Variants in PPFIA2 observed in about 807,000 individuals in gnomAD.
PPFIA2 encodes PPFI scaffold protein A2.
In PPFIA2, 46 loss-of-function variants were observed where a neutral mutation model predicts 175.5. The observed-to-expected ratio is 0.26, with a 90% CI of 0.21 to 0.34. The LOEUF (loss-of-function observed/expected upper bound fraction) is 0.34. Ranked by LOEUF, PPFIA2 falls within the 10% of genes least tolerant of loss-of-function variation. PPFIA2 has a pLI of 1.00. For synonymous variants in PPFIA2, 568 were observed against 511.4 expected (o/e 1.11, Z -1.49); for missense variants, 1,179 against 1,506.1 (o/e 0.78, Z 3.60).
intron 5 of PPFIA2, among the ~76,000 whole-genome samples, chr12:81,450,559 G>A (rs1435192512): frequency 6.6e-6 from 1 of 152,030 alleles, no homozygotes; most frequent in Non-Finnish European, 1.5e-5. Flanking sequence ...AGATGAGTAG[G>A]TTGCAAAAAT....
intron 3 of PPFIA2, among the ~76,000 whole-genome samples, chr12:81,725,001 G>A (rs1432318437): frequency 6.6e-6 from 1 of 150,754 alleles, no homozygotes; most frequent in African/African-American, 2.4e-5. Context: ...GTTATTTTTT[G>A]ACTTTTAATT....
intron 12 of PPFIA2, 23 bp from the exon 13 acceptor site, chr12:81,368,879 A>G: frequency 6.3e-7 from 1 of 1,593,040 alleles, no homozygotes; most frequent in Non-Finnish European, 8.5e-7. Context: ...AAAATGACAT[A>G]AAAATCCATT....
intron 4 of PPFIA2, among the ~76,000 whole-genome samples, chr12:81,649,720 A>G (rs980599150): frequency 3.9e-5 from 6 of 152,208 alleles, no homozygotes; most frequent in African/African-American, 1.4e-4. Context: ...AATAAAGAGG[A>G]ACTATTTTAC....
At chr12:81,691,938 A>T (rs2075290323) in intron 3 of PPFIA2, among the ~76,000 whole-genome samples, 1 of 152,106 alleles carries the variant, frequency 6.6e-6, no homozygotes, top group South Asian at 2.1e-4. Flanking sequence ...ACCTCCTGGT[A>T]TTCACACCCT....
chr12:81,748,884 A>G (rs1192682714), intron 3 of PPFIA2, among the ~76,000 whole-genome samples: 1 of 144,654 alleles, frequency 6.9e-6, no homozygotes, highest in Non-Finnish European at 1.6e-5. Flanking sequence ...TCCTGTCTTT[A>G]TTTTGCACCA....
At chr12:81,662,604 C>T (rs1360768554) in intron 4 of PPFIA2, among the ~76,000 whole-genome samples, 3 of 152,120 alleles carry the variant, frequency 2.0e-5, no homozygotes, top group African/African-American at 7.2e-5. Context: ...GGATTCACAG[C>T]CGAATTCTAC....
chr12:81,624,745 T>C (rs1036705283), intron 4 of PPFIA2, among the ~76,000 whole-genome samples: 2 of 150,648 alleles, frequency 1.3e-5, no homozygotes, highest in African/African-American at 2.4e-5. Context: ...CCAAAAACTG[T>C]AGGTTCTCCC....
At chr12:81,338,746 T>C (rs1481299464) in intron 21 of PPFIA2, among the ~76,000 whole-genome samples, 1 of 152,164 alleles carries the variant, frequency 6.6e-6, no homozygotes, top group African/African-American at 2.4e-5. Context: ...TAAGCTTTTA[T>C]ACACATTCAT....
intron 4 of PPFIA2, among the ~76,000 whole-genome samples, chr12:81,585,575 A>G (rs2075188099): frequency 6.6e-6 from 1 of 151,872 alleles, no homozygotes; most frequent in African/African-American, 2.4e-5. Flanking sequence ...ACAGAGGCTC[A>G]TGATCATCAC....
intron 4 of PPFIA2, among the ~76,000 whole-genome samples, chr12:81,629,643 T>G (rs1234747669): frequency 6.6e-6 from 1 of 152,176 alleles, no homozygotes; most frequent in Admixed American, 6.5e-5. Context: ...TGGATCACAC[T>G]AAACATTAAC....
Position 81,405,916 on chromosome 12 carries a change from A to G in PPFIA2, c.646-13T>C. Reference sequence around the variant, plus strand: ...GCAAGGCAACAATCTGCAAAATAAAAGCACTATGCCTTTAAAGTCTAAATA... The same window carrying G: ...GCAAGGCAACAATCTGCAAAATAAAGGCACTATGCCTTTAAAGTCTAAATA... On this transcript the variant is annotated splice_polypyrimidine_tract_variant and intron_variant, in intron 7 of 32. Coordinates refer to ENST00000549396, the MANE Select transcript of PPFIA2 (RefSeq NM_003625.5). The G allele has an allele frequency of 6.8e-7, 1 of 1,465,330 alleles. No individual in the cohort carries two copies. The highest frequency in any genetic ancestry group is 1.2e-5 in the South Asian group (1 of 81,476). The allele number at this position is 1,465,330 out of a possible 1,614,324, so 90.8% of individuals were successfully genotyped here.
chr12:81,521,171 C>A (rs2063075104), intron 4 of PPFIA2, among the ~76,000 whole-genome samples: 1 of 151,122 alleles, frequency 6.6e-6, no homozygotes, highest in African/African-American at 2.4e-5. Context: ...ACAATGCATT[C>A]TTGACTGTTT....
intron 7 of PPFIA2, among the ~76,000 whole-genome samples, chr12:81,416,431 C>T (rs2045275615): frequency 6.6e-6 from 1 of 151,592 alleles, no homozygotes; most frequent in Admixed American, 6.6e-5. Flanking sequence ...TGAGTGCTGA[C>T]AGTATTGGCA....
chr12:81,669,531 T>C (rs11114974), intron 4 of PPFIA2, among the ~76,000 whole-genome samples: 6,738 of 152,050 alleles, frequency 0.044, 304 homozygotes, highest in East Asian at 0.25. Context: ...ATATAAACAA[T>C]CATCCTATAG....
chr12:81,362,808 TCAGATG>T, intron 14 of PPFIA2, 24 bp from the exon 15 acceptor site: 1 of 1,414,358 alleles, frequency 7.1e-7, no homozygotes, highest in South Asian at 1.3e-5. Context: ...ACAGTGTTAC[TCAGATG>T]CCAGTAATAT....
intron 3 of PPFIA2, among the ~76,000 whole-genome samples, chr12:81,709,313 T>C (rs2077589992): frequency 6.6e-6 from 1 of 152,138 alleles, no homozygotes; most frequent in Non-Finnish European, 1.5e-5. Flanking sequence ...TCCCCTAATG[T>C]AGGAAGGGAA....
intron 22 of PPFIA2, among the ~76,000 whole-genome samples, chr12:81,313,829 T>A (rs1594648191): frequency 6.6e-6 from 1 of 152,072 alleles, no homozygotes; most frequent in African/African-American, 2.4e-5. Flanking sequence ...ACAAGTTGAT[T>A]AAATTTGCAC....
At chr12:81,547,871 T>C (rs1044117358) in intron 4 of PPFIA2, among the ~76,000 whole-genome samples, 10 of 152,202 alleles carry the variant, frequency 6.6e-5, no homozygotes, top group African/African-American at 2.4e-4. Flanking sequence ...GAACTATCCT[T>C]ACTTAAAAAT....
At chr12:81,581,519 A>G (rs1362838913) in intron 4 of PPFIA2, among the ~76,000 whole-genome samples, 1 of 151,526 alleles carries the variant, frequency 6.6e-6, no homozygotes, top group African/African-American at 2.4e-5. Flanking sequence ...TGCACACTCT[A>G]ACACTCCCTT....
Sources: gnomAD v4.1 joint callset for allele counts (sites outside exome capture counted in the v4.1 genomes callset) on GRCh38, gnomAD v4.1.1 for gene constraint, MANE v1.5 for transcripts, NCBI Gene and HGNC (gene_info 2026-07-23, HGNC 2026-07-21) for gene names.